Variants in USP10 observed in about 807,000 individuals in gnomAD.
The protein encoded by USP10 is ubiquitin specific peptidase 10.
A neutral mutation model predicts 84.5 loss-of-function variants in USP10; 22 were observed. That is an observed-to-expected ratio of 0.26 (90% CI 0.19 to 0.37). The LOEUF is 0.37. USP10 is among the 10% of genes least tolerant of loss of function. The pLI is 1.00. For synonymous variants in USP10, 454 were observed against 387.6 expected (o/e 1.17, Z -2.01); for missense variants, 1,019 against 998.9 (o/e 1.02, Z -0.27).
In USP10 at chr16:84,724,469, G is replaced by T. The variant is rs188645867; in HGVS notation, c.22-8966G>T. Reference sequence around the variant, plus strand: ...ACAGGGAAGTAGACACTCAATTGCAGTACTTTGACATTTGAGTTTCAAGGA... The same window carrying T: ...ACAGGGAAGTAGACACTCAATTGCATTACTTTGACATTTGAGTTTCAAGGA... On this transcript the variant is annotated intron_variant, in intron 1 of 13. Coordinates refer to ENST00000219473, the MANE Select transcript of USP10 (RefSeq NM_005153.3). Among the ~76,000 whole-genome samples the T allele has an allele frequency of 6.6e-5, 10 of 152,296 alleles. No homozygotes were observed. In the East Asian group the frequency reaches 1.9e-3, roughly 29 times the overall value.
chr16:84,704,678 C>T (rs1905253759), intron 1 of USP10: 11 of 1,458,122 alleles, frequency 7.5e-6, no homozygotes, highest in South Asian at 5.6e-5. Context: ...TCATAAACCT[C>T]GATGTAGAAT....
At chr16:84,741,411 T>C (rs1004324169) in intron 3 of USP10, among the ~76,000 whole-genome samples, 1 of 152,226 alleles carries the variant, frequency 6.6e-6, no homozygotes, top group Non-Finnish European at 1.5e-5. Flanking sequence ...TCTGAGTCAG[T>C]GGGACTTCCT....
chr16:84,760,367 G>C (rs1406888476), intron 8 of USP10, 92 bp downstream of exon 8: 1 of 1,120,290 alleles, frequency 8.9e-7, no homozygotes, highest in Non-Finnish European at 1.3e-6. Flanking sequence ...TTTGCCCTCT[G>C]TCTCCAGCGC....
At chr16:84,711,719 CTTTTTTTTTTTTT>C (rs10706586) in intron 1 of USP10, among the ~76,000 whole-genome samples, 1 of 114,276 alleles carries the variant, frequency 8.8e-6, no homozygotes, top group African/African-American at 3.7e-5. Context: ...GAAGGGCTAG[CTTTTTTTTTTTTT>C]TTTTTTTTTG....
At chr16:84,737,081 C>G in intron 2 of USP10, among the ~76,000 whole-genome samples, 1 of 152,226 alleles carries the variant, frequency 6.6e-6, no homozygotes, top group East Asian at 1.9e-4. Context: ...AGCCACCACG[C>G]CCGGCCTAAT....
chr16:84,773,112 A>G (rs1270638679), intron 12 of USP10, among the ~76,000 whole-genome samples: 1 of 152,200 alleles, frequency 6.6e-6, no homozygotes, highest in Non-Finnish European at 1.5e-5. Flanking sequence ...GTGGCGCACA[A>G]ATAAGACGTG....
At chr16:84,717,442 A>G (rs1389166819) in intron 1 of USP10, among the ~76,000 whole-genome samples, 1 of 152,126 alleles carries the variant, frequency 6.6e-6, no homozygotes, top group Non-Finnish European at 1.5e-5. Context: ...CCCTGACCCC[A>G]GTTCTTTGAA....
At chr16:84,715,578 C>T (rs984818904) in intron 1 of USP10, among the ~76,000 whole-genome samples, 1 of 152,154 alleles carries the variant, frequency 6.6e-6, no homozygotes, top group Non-Finnish European at 1.5e-5. Context: ...GTCACTGCTG[C>T]CCAACTATCC....
intron 1 of USP10, among the ~76,000 whole-genome samples, chr16:84,701,625 A>G (rs1178094329): frequency 1.3e-5 from 2 of 152,234 alleles, no homozygotes; most frequent in African/African-American, 4.8e-5. Context: ...ATCTTTAGGC[A>G]TAGCTCACTT....
chr16:84,721,837 A>G (rs562949260), intron 1 of USP10, among the ~76,000 whole-genome samples: 1 of 152,340 alleles, frequency 6.6e-6, no homozygotes, highest in South Asian at 2.1e-4. Flanking sequence ...AGCTGGGACT[A>G]CAGGCACACG....
chr16:84,742,196 C>T (rs1012805408), intron 3 of USP10, among the ~76,000 whole-genome samples: 3 of 152,186 alleles, frequency 2.0e-5, no homozygotes, highest in Admixed American at 6.5e-5. Context: ...TTGTCCTTCA[C>T]CTCAAGCACT....
chr16:84,768,390 C>T lies in USP10; in HGVS notation c.1998+32C>T, dbSNP rs1323209547. On this transcript the variant is annotated intron_variant, in intron 11 of 13. Coordinates refer to ENST00000219473, the MANE Select transcript of USP10 (RefSeq NM_005153.3). ...TCACACTTGATTTTGAACCTTTCTA[C>T]TAAGGTGCTCTGGTTTGGTGGAAAG... 4.6e-6 allele frequency: 7 copies of T among 1,512,156 alleles called. No individual in the cohort carries two copies. In the African/African-American group the frequency reaches 8.2e-5, roughly 18 times the overall value. 93.7% of individuals were successfully genotyped at this position (1,512,156 alleles called of 1,614,324 possible). A position where few individuals can be genotyped will look rare whatever the true frequency, so the allele number is the denominator to read the frequency against.
At position 84,769,516 on chromosome 16, in the gene USP10, G is replaced by A. The variant is rs548677374; in HGVS notation, c.1998+1158G>A. On this transcript the variant is annotated intron_variant, in intron 11 of 13. Transcript: ENST00000219473. ...TAAGAAGAGTCTGGCGGTGGACCTC[G>A]TGGAAGAGAGAGAGGGAAAAAGTGG... Among the ~76,000 whole-genome samples the A allele has an allele frequency of 1.1e-4, 16 of 152,314 alleles. No individual in the cohort carries two copies. The South Asian group carries it at 2.9e-3, about 28-fold the overall frequency.
chr16:84,728,307 T>C (rs1181010913), intron 1 of USP10, among the ~76,000 whole-genome samples: 1 of 152,184 alleles, frequency 6.6e-6, no homozygotes, highest in African/African-American at 2.4e-5. Context: ...ATATATTGAA[T>C]AAATTGAATA....
intron 8 of USP10, among the ~76,000 whole-genome samples, chr16:84,762,738 A>T (rs775931487): frequency 6.6e-6 from 1 of 152,110 alleles, no homozygotes; most frequent in Non-Finnish European, 1.5e-5. Flanking sequence ...AAAAATACAG[A>T]AAGTATAAAT....
chr16:84,772,798 A>T (rs1195152296), intron 12 of USP10, 113 bp downstream of exon 12: 1 of 1,366,134 alleles, frequency 7.3e-7, no homozygotes, highest in Non-Finnish European at 9.8e-7. Context: ...CTCTTGCTGG[A>T]CGTGGACTTG....
intron 1 of USP10, chr16:84,716,253 T>C (rs8046664): frequency 0.2 from 30,706 of 152,254 alleles, 3,752 homozygotes; most frequent in East Asian, 0.37. Flanking sequence ...CCTTGGCAAA[T>C]CATCTGTACT....
At chr16:84,702,476 T>G (rs1905014664) in intron 1 of USP10, among the ~76,000 whole-genome samples, 1 of 152,204 alleles carries the variant, frequency 6.6e-6, no homozygotes, top group South Asian at 2.1e-4. Flanking sequence ...TTAATAAATT[T>G]GTTTTACTTG....
At chr16:84,702,993 CAAA>C (rs1157728872) in intron 1 of USP10, among the ~76,000 whole-genome samples, 8 of 52,174 alleles carry the variant, frequency 1.5e-4, no homozygotes, top group Admixed American at 5.1e-4. Context: ...ACTCCCGTCT[CAAA>C]AAAAAAAAAA....
Sources: allele counts gnomAD v4.1 joint callset (sites outside exome capture counted in the v4.1 genomes callset), GRCh38; gene constraint gnomAD v4.1.1; transcripts MANE v1.5; gene names NCBI Gene and HGNC (gene_info 2026-07-23, HGNC 2026-07-21).